TCF7L2: variants seen among roughly 807,000 people sequenced by gnomAD.
TCF7L2 encodes the protein transcription factor 7-like 2.
In TCF7L2, 23 loss-of-function variants were observed where a neutral mutation model predicts 77.9. The observed-to-expected ratio is 0.30, with a 90% CI of 0.21 to 0.42. The LOEUF is 0.42. Ranked by LOEUF, TCF7L2 falls within the 10% of genes least tolerant of loss-of-function variation. TCF7L2 has a pLI of 1.00. For synonymous variants in TCF7L2, 413 were observed against 340.2 expected, an observed-to-expected ratio of 1.21 and a Z score of -2.36; for missense variants, 654 against 793.1, an observed-to-expected ratio of 0.82 and a Z score of 2.11.
chr10:113,148,669 C>T (rs958095147), intron 8 of TCF7L2, among the ~76,000 whole-genome samples: 18 of 152,038 alleles, frequency 1.2e-4, no homozygotes, highest in Admixed American at 8.5e-4. Flanking sequence ...TGAAAGCAGA[C>T]GGGGGTATAT....
chr10:113,065,617 C>T (rs1298750064), intron 5 of TCF7L2, among the ~76,000 whole-genome samples: 6 of 152,164 alleles, frequency 3.9e-5, no homozygotes, highest in Admixed American at 3.9e-4. Flanking sequence ...GGGGTAGGGT[C>T]ATGTAGCCTG....
At chr10:113,124,855 A>G (rs1019526134) in intron 5 of TCF7L2, among the ~76,000 whole-genome samples, 4 of 151,948 alleles carry the variant, frequency 2.6e-5, no homozygotes, top group Non-Finnish European at 5.9e-5. Flanking sequence ...GGCACCCTAA[A>G]TGAGACCATC....
chr10:113,127,243 GT>G (rs11313601), intron 5 of TCF7L2, among the ~76,000 whole-genome samples: 89,612 of 139,844 alleles, frequency 0.64, 28,859 homozygotes, highest in African/African-American at 0.76. Flanking sequence ...GGGGTTTCGG[GT>G]TTTTTTTTTT....
intron 4 of TCF7L2, among the ~76,000 whole-genome samples, chr10:113,028,574 G>A (rs1032474442): frequency 1.3e-5 from 2 of 152,176 alleles, no homozygotes; most frequent in Non-Finnish European, 2.9e-5. Context: ...AACGCAGCAC[G>A]GGGTGCGGTT....
chr10:113,162,010 C>G (rs1019949948), intron 13 of TCF7L2, among the ~76,000 whole-genome samples: 1 of 152,232 alleles, frequency 6.6e-6, no homozygotes, highest in African/African-American at 2.4e-5. Context: ...GGGGTCTTCT[C>G]TGCACAACAG....
intron 5 of TCF7L2, among the ~76,000 whole-genome samples, chr10:113,082,728 C>T (rs1365727160): frequency 3.3e-5 from 5 of 152,068 alleles, no homozygotes; most frequent in Admixed American, 6.6e-5. Context: ...GGGTGCATCG[C>T]TTCTGTACGT....
rs2074079611 is a variant in TCF7L2 at position 113,167,273 on chromosome 10, T to C, written c.*1301T>C. ...CCTTAAGGGCCAAAATTCTGTATAT[T>C]AGATTACTCTTAAACGAAAAACCAG... On this transcript the variant is annotated 3_prime_UTR_variant, in exon 14 of 14. Coordinates refer to ENST00000627217, the MANE Select transcript of TCF7L2 (RefSeq NM_001146274.2). 6 of 228,286 alleles carry C rather than the reference T, an allele frequency of 2.6e-5. No homozygotes were observed. The allele number at this position is 228,286 out of a possible 1,614,324, so 14.1% of individuals were successfully genotyped here. A position where few individuals can be genotyped will look rare whatever the true frequency, so the allele number is the denominator to read the frequency against.
chr10:113,129,507 A>G, intron 5 of TCF7L2: 1 of 1,008,402 alleles, frequency 9.9e-7, no homozygotes, highest in Non-Finnish European at 1.2e-6. Flanking sequence ...TTTTTTAAAA[A>G]ATTAAATCTG....
chr10:113,080,250 T>TA (rs2135437373), intron 5 of TCF7L2, among the ~76,000 whole-genome samples: 1 of 151,932 alleles, frequency 6.6e-6, no homozygotes, highest in Admixed American at 6.6e-5. Context: ...CCACACCCCT[T>TA]ATGCCATGAA....
intron 5 of TCF7L2, among the ~76,000 whole-genome samples, chr10:113,107,308 C>A (rs979687897): frequency 2.0e-5 from 3 of 152,082 alleles, no homozygotes; most frequent in African/African-American, 7.2e-5. Context: ...TATTTCAAAT[C>A]TTAGCACTTT....
At chr10:113,103,339 C>G (rs893682679) in intron 5 of TCF7L2, among the ~76,000 whole-genome samples, 3 of 152,154 alleles carry the variant, frequency 2.0e-5, no homozygotes, top group African/African-American at 7.2e-5. Context: ...GCTTCTGAGC[C>G]TCTCTGCAAT....
intron 5 of TCF7L2, among the ~76,000 whole-genome samples, chr10:113,082,141 T>C (rs2135468871): frequency 6.6e-6 from 1 of 152,016 alleles, no homozygotes; most frequent in African/African-American, 2.4e-5. Context: ...ATTTTTTTTT[T>C]TTTTTTGCGT....
intron 11 of TCF7L2, among the ~76,000 whole-genome samples, chr10:113,156,827 G>T (rs10885421): frequency 0.53 from 81,297 of 152,124 alleles, 24,139 homozygotes; most frequent in East Asian, 0.89. Context: ...GTTCTCTCCT[G>T]GCCCCACCAC....
chr10:113,081,328 GC>G (rs918420431), intron 5 of TCF7L2, among the ~76,000 whole-genome samples: 19 of 152,242 alleles, frequency 1.2e-4, no homozygotes, highest in Admixed American at 3.3e-4. Context: ...CCCAAAGGCT[GC>G]TTGGGAGAAG....
chr10:112,964,394 T>C (rs1286883417), intron 3 of TCF7L2, among the ~76,000 whole-genome samples, 162 bp from the exon 4 acceptor site: 4 of 152,170 alleles, frequency 2.6e-5, no homozygotes, highest in Non-Finnish European at 5.9e-5. Context: ...ATTGTTATGA[T>C]CATCTTATCC....
chr10:113,069,209 G>A (rs996973819), intron 5 of TCF7L2, among the ~76,000 whole-genome samples: 1 of 151,876 alleles, frequency 6.6e-6, no homozygotes, highest in African/African-American at 2.4e-5. Context: ...CTCAGAGGGT[G>A]CAACAGTGTC....
At chr10:113,052,654 T>TGGCTGGGA (rs2054666425) in intron 5 of TCF7L2, among the ~76,000 whole-genome samples, 2 of 152,230 alleles carry the variant, frequency 1.3e-5, no homozygotes, top group South Asian at 4.1e-4. Flanking sequence ...GTTCCTCCCA[T>TGGCTGGGA]GGCTGGGATG....
chr10:113,162,706 C>G (rs2073362782), intron 13 of TCF7L2, among the ~76,000 whole-genome samples: 1 of 152,294 alleles, frequency 6.6e-6, no homozygotes, highest in Admixed American at 6.5e-5. Context: ...TTCAGACTTT[C>G]CCAGCAGATA....
chr10:113,004,917 G>A (rs926152834), intron 4 of TCF7L2, among the ~76,000 whole-genome samples: 59 of 151,998 alleles, frequency 3.9e-4, no homozygotes, highest in African/African-American at 1.3e-3. Context: ...CAGGCAATCC[G>A]CCCGCCTCGG....
Sources: allele counts gnomAD v4.1 joint callset (sites outside exome capture counted in the v4.1 genomes callset), GRCh38; gene constraint gnomAD v4.1.1; transcripts MANE v1.5; gene names NCBI Gene and HGNC (gene_info 2026-07-23, HGNC 2026-07-21).